NT5C1B: variants seen among roughly 807,000 people sequenced by gnomAD.
NT5C1B encodes the protein 5'-nucleotidase, cytosolic IB, also known as cytosolic 5'-nucleotidase 1B.
NT5C1B carries 44 observed loss-of-function variants against 57.8 expected under a neutral mutation model. The observed-to-expected ratio is 0.76, with a 90% CI of 0.60 to 0.98. The LOEUF (loss-of-function observed/expected upper bound fraction) is 0.98. NT5C1B is among the 50% of genes least tolerant of loss of function. The pLI is 0.00. For missense variants in NT5C1B, 742 were observed against 719.5 expected (o/e 1.03, Z -0.36); for synonymous variants, 284 against 282.6 (o/e 1.00, Z -0.05).
chr2:18,587,260 T>C, intron 2 of NT5C1B: 1 of 1,508,062 alleles, frequency 6.6e-7, no homozygotes, highest in Non-Finnish European at 8.9e-7. Context: ...CCCCCCTGTG[T>C]AGGCTGAGCA....
intron 1 of NT5C1B, among the ~76,000 whole-genome samples, chr2:18,588,092 T>C (rs561784336): frequency 6.6e-6 from 1 of 152,328 alleles, no homozygotes; most frequent in Admixed American, 6.5e-5. Context: ...TACAAATTTA[T>C]TGAAAGTCAT....
rs114622083 is a variant in NT5C1B, at chr2:18,586,355, G to A, written c.157C>T (p.Arg53Ter). 1,313 of 1,614,104 alleles carry A rather than the reference G, an allele frequency of 8.1e-4. 9 individuals are homozygous for A. The African/African-American group carries it at 0.015, about 19-fold the overall frequency. The change falls in exon 3 of 9, where the codon CGA becomes TGA. Residue 53 changes from arginine to a stop codon, truncating the protein, a stop_gained. Transcript: ENST00000304081. LOFTEE classifies it high-confidence loss of function. ...CATTGACTGCGCACAAGGTACCCTCGAGAGTCTGTCTTCCGCAGTGATGAT... is the reference window on the plus strand; with the variant it reads ...CATTGACTGCGCACAAGGTACCCTCAAGAGTCTGTCTTCCGCAGTGATGAT...
At position 18,576,431 on chromosome 2, in the gene NT5C1B, T is replaced by TAA; in HGVS notation, c.1145-65_1145-64dup. On this transcript the variant is annotated intron_variant, in intron 7 of 8. Transcript: ENST00000304081. ...GTCCATGAGTTATAGTTTCTACCAT[T>TAA]AAAAAAAACAAATTCTCCCAGACCT... 3 of 1,518,164 alleles carry TAA rather than the reference T, an allele frequency of 2.0e-6. No individual in the cohort carries two copies. In the South Asian group the frequency reaches 3.9e-5, roughly 20 times the overall value. The allele number at this position is 1,518,164 out of a possible 1,614,324, so 94.0% of individuals were successfully genotyped here.
intron 8 of NT5C1B, among the ~76,000 whole-genome samples, chr2:18,573,413 T>G (rs955479760): frequency 7.9e-5 from 12 of 151,762 alleles, no homozygotes; most frequent in African/African-American, 2.9e-4. Context: ...TTATAAATTT[T>G]ACTCTATATA....
chr2:18,573,141 T>G (rs1665360767), intron 8 of NT5C1B, among the ~76,000 whole-genome samples: 2 of 152,250 alleles, frequency 1.3e-5, no homozygotes, highest in African/African-American at 4.8e-5. Flanking sequence ...TACTGATACA[T>G]GCAATGACAT....
intron 6 of NT5C1B, among the ~76,000 whole-genome samples, chr2:18,577,802 A>G (rs1665839271): frequency 6.6e-6 from 1 of 152,130 alleles, no homozygotes; most frequent in Non-Finnish European, 1.5e-5. Context: ...AAAATATACA[A>G]AAGATCAAAA....
chr2:18,577,641 C>T (rs1665819432), intron 6 of NT5C1B, among the ~76,000 whole-genome samples: 1 of 151,328 alleles, frequency 6.6e-6, no homozygotes, highest in African/African-American at 2.4e-5. Flanking sequence ...GCACGAAACA[C>T]CTTCATTGAA....
intron 8 of NT5C1B, among the ~76,000 whole-genome samples, chr2:18,569,634 TATTA>T (rs796609712): frequency 2.4e-4 from 36 of 152,240 alleles, no homozygotes; most frequent in East Asian, 7.7e-4. Context: ...AATGAAAAGA[TATTA>T]ATTAAGATTA....
chr2:18,565,480 A>G (rs1664566633), intron 8 of NT5C1B, among the ~76,000 whole-genome samples: 1 of 152,190 alleles, frequency 6.6e-6, no homozygotes, highest in Non-Finnish European at 1.5e-5. Context: ...ATTTACATAT[A>G]AGATTCTCCA....
chr2:18,583,831 G>A (rs1353590138), intron 5 of NT5C1B: 1 of 668,198 alleles, frequency 1.5e-6, no homozygotes, highest in Non-Finnish European at 2.8e-6. Flanking sequence ...AGAGGTTTCT[G>A]TTACAAGTCT....
intron 6 of NT5C1B, among the ~76,000 whole-genome samples, chr2:18,582,081 A>T (rs1032208652): frequency 6.6e-6 from 1 of 152,230 alleles, no homozygotes; most frequent in African/African-American, 2.4e-5. Context: ...TATGCCACTC[A>T]TCTATGTTAA....
intron 8 of NT5C1B, among the ~76,000 whole-genome samples, chr2:18,566,232 C>T (rs1305555020): frequency 6.6e-6 from 1 of 152,000 alleles, no homozygotes; most frequent in Non-Finnish European, 1.5e-5. Context: ...CTGAAGTAGA[C>T]TGGTTTTTCT....
At chr2:18,565,701 G>A (rs1347787863) in intron 8 of NT5C1B, among the ~76,000 whole-genome samples, 1 of 151,880 alleles carries the variant, frequency 6.6e-6, no homozygotes, top group African/African-American at 2.4e-5. Flanking sequence ...CATACAATAT[G>A]GGCTTTTAAT....
rs371226394 is a variant in NT5C1B, at chr2:18,577,422, C to CAA, written c.1022-529_1022-528dup. ...CTGGTGAAAGAGCAAGACTCTGTCT[C>CAA]AAAAAAAAAAAAAAAAAAAAAAAGG... On this transcript the variant is annotated intron_variant, in intron 6 of 8. Transcript: ENST00000304081. Among the ~76,000 whole-genome samples the CAA allele has an allele frequency of 7.5e-3, 288 of 38,372 alleles. 1 individual carries two copies. Among genetic ancestry groups the CAA allele is most frequent in the East Asian group, 0.011 (13 of 1,150 alleles). The allele number at this position is 38,372 out of a possible 152,430, so 25.2% of individuals were successfully genotyped here. A position where few individuals can be genotyped will look rare whatever the true frequency, so the allele number is the denominator to read the frequency against.
rs771927867 is a variant in NT5C1B at position 18,584,107 on chromosome 2, G to A, written c.872C>T (p.Pro291Leu). 4.3e-6 allele frequency: 7 copies of A among 1,614,146 alleles called. No homozygotes were observed. Among genetic ancestry groups the A allele is most frequent in the Non-Finnish European group, 5.1e-6 (6 of 1,180,026 alleles). Residue 291 changes from proline to leucine, a missense_variant, in exon 5 of 9, where the codon CCG (proline) becomes CTG (leucine). Coordinates refer to ENST00000304081, the Ensembl canonical transcript of NT5C1B. The surrounding 1 kb of genome is among the most constrained non-coding windows in gnomAD (Gnocchi z 5.8). ...GAATACCTTGACGAAGCGGAACGCC[G>A]GGCCCGGGGTCAGGATGACGTTCTC... is the stretch of plus-strand genomic sequence containing the variant.
At chr2:18,566,312 C>T (rs1277757597) in intron 8 of NT5C1B, among the ~76,000 whole-genome samples, 1 of 152,122 alleles carries the variant, frequency 6.6e-6, no homozygotes, top group Non-Finnish European at 1.5e-5. Flanking sequence ...TTTCATGATT[C>T]AAAGGCTCCC....
chr2:18,587,521 T>C (rs1404355095), exon 2 of NT5C1B: 9 of 1,613,862 alleles, frequency 5.6e-6, no homozygotes, highest in Middle Eastern at 3.3e-4. Flanking sequence ...TCAGACGAAC[T>C]CCTGTTTTGT....
At chr2:18,565,289 TATATG>T (rs1184969192) in intron 8 of NT5C1B, among the ~76,000 whole-genome samples, 3 of 152,232 alleles carry the variant, frequency 2.0e-5, no homozygotes, top group African/African-American at 7.2e-5. Flanking sequence ...TTAAGTATAT[TATATG>T]ACCATTTGTG....
chr2:18,567,656 C>G (rs1347021658), intron 8 of NT5C1B, among the ~76,000 whole-genome samples: 1 of 152,096 alleles, frequency 6.6e-6, no homozygotes, highest in African/African-American at 2.4e-5. Flanking sequence ...ACCACAAAAC[C>G]TAAAACAACT....
Sources: gnomAD v4.1 joint callset for allele counts (sites outside exome capture counted in the v4.1 genomes callset) on GRCh38, gnomAD v4.1.1 for gene constraint, Gnocchi (gnomAD v3.1) non-coding constraint, MANE v1.5 for transcripts, NCBI Gene and HGNC (gene_info 2026-07-23, HGNC 2026-07-21) for gene names.